DNAH14: variants seen among roughly 807,000 people sequenced by gnomAD.
DNAH14 encodes dynein axonemal heavy chain 14.
In DNAH14, 478 loss-of-function variants were observed where a neutral mutation model predicts 520.9. The ratio of observed to expected loss-of-function variants is 0.92; its 90% CI spans 0.85 to 0.99. DNAH14 has a LOEUF of 0.99. Ranked by LOEUF, DNAH14 falls within the 50% of genes least tolerant of loss-of-function variation. DNAH14 has a pLI of 0.00. For synonymous variants in DNAH14, 1,581 were observed against 1,757.2 expected (o/e 0.90, Z 2.51); for missense variants, 4,831 against 5,234.5 (o/e 0.92, Z 2.38).
intron 12 of DNAH14, among the ~76,000 whole-genome samples, chr1:225,040,562 T>C (rs1039610855): frequency 1.3e-5 from 2 of 152,336 alleles, no homozygotes; most frequent in African/African-American, 4.8e-5. Flanking sequence ...CAATGTCTCC[T>C]ATTCATCCTT....
chr1:225,045,149 A>G lies in DNAH14; in HGVS notation c.1912+1166A>G, dbSNP rs115599516. Among the ~76,000 whole-genome samples, 642 of 152,054 alleles carry G rather than the reference A, an allele frequency of 4.2e-3. 4 individuals are homozygous for G. The highest frequency in any genetic ancestry group is 0.015 in the African/African-American group (612 of 41,534). On this transcript the variant is annotated intron_variant, in intron 15 of 85. Transcript: ENST00000682510. ...AGTCTGAAGAACTAAGTTCTTACCAATCTTTCCATATGTTCCTTTTTTTCC... is the reference window on the plus strand; with the variant it reads ...AGTCTGAAGAACTAAGTTCTTACCAGTCTTTCCATATGTTCCTTTTTTTCC...
chr1:225,272,125 C>T, intron 51 of DNAH14, 52 bp downstream of exon 51: 2 of 1,468,342 alleles, frequency 1.4e-6, no homozygotes, highest in South Asian at 1.3e-5. Context: ...AAGTTGCTCT[C>T]TCTCATACTG....
At chr1:225,073,062 C>G (rs1485887088) in intron 17 of DNAH14, among the ~76,000 whole-genome samples, 1 of 152,016 alleles carries the variant, frequency 6.6e-6, no homozygotes, top group Admixed American at 6.6e-5. Context: ...CACTTCAGCC[C>G]CTTGTTGCCT....
intron 36 of DNAH14, among the ~76,000 whole-genome samples, chr1:225,173,691 A>G (rs1223375487): frequency 6.6e-6 from 1 of 152,228 alleles, no homozygotes; most frequent in Admixed American, 6.5e-5. Flanking sequence ...CCATTGTGGA[A>G]GTCAGTGTGG....
At chr1:225,170,598 G>T (rs908267635) in intron 36 of DNAH14, among the ~76,000 whole-genome samples, 1 of 152,138 alleles carries the variant, frequency 6.6e-6, no homozygotes, top group African/African-American at 2.4e-5. Flanking sequence ...AGCCAATACA[G>T]GAGCACCCAG....
At chr1:225,204,388 T>C in intron 39 of DNAH14, 115 bp downstream of exon 39, 1 of 601,462 alleles carries the variant, frequency 1.7e-6, no homozygotes. Context: ...TTTGTTCCTG[T>C]ACCATTTATT....
chr1:225,377,252 C>T lies in DNAH14; in HGVS notation c.12532C>T (p.Pro4178Ser), dbSNP rs758958876. ...AAATTTTCAGATATGTCTGCCAGTTCCAGGATCTGCAAGCATAAAGGACTA... is the reference window on the plus strand; with the variant it reads ...AAATTTTCAGATATGTCTGCCAGTTTCAGGATCTGCAAGCATAAAGGACTA... The part of the protein sequence containing the change: ...FSSDGICLPV[P>S]GSASIKDYIH... The change falls in exon 79 of 86, where the codon CCA (proline) becomes TCA (serine). Residue 4178 changes from proline to serine, a missense_variant. By Grantham distance (74) the Pro-to-Ser change is moderately conservative (BLOSUM62 -1). Transcript: ENST00000682510. 7.1e-6 allele frequency: 10 copies of T among 1,401,422 alleles called. No homozygotes were observed. In the South Asian group the frequency reaches 1.5e-4, roughly 21 times the overall value. 86.8% of individuals were successfully genotyped at this position (1,401,422 alleles called of 1,614,324 possible).
intron 3 of DNAH14, among the ~76,000 whole-genome samples, chr1:224,957,955 G>T (rs1336762275): frequency 6.6e-6 from 1 of 152,074 alleles, no homozygotes; most frequent in African/African-American, 2.4e-5. Context: ...AAGAAAAAAG[G>T]AGTAGTTAAT....
At chr1:225,334,275 C>CA (rs1203794618) in intron 66 of DNAH14, among the ~76,000 whole-genome samples, 1 of 151,954 alleles carries the variant, frequency 6.6e-6, no homozygotes, top group African/African-American at 2.4e-5. Flanking sequence ...TCTGTCTCTA[C>CA]AAAAAATAAA....
intron 69 of DNAH14, among the ~76,000 whole-genome samples, chr1:225,342,459 A>G (rs1179659274): frequency 6.6e-6 from 1 of 152,156 alleles, no homozygotes; most frequent in Admixed American, 6.5e-5. Flanking sequence ...GTTTAAAATT[A>G]AATATATATT....
chr1:225,276,494 G>A (rs2093471612), intron 53 of DNAH14, among the ~76,000 whole-genome samples: 1 of 152,072 alleles, frequency 6.6e-6, no homozygotes, highest in Non-Finnish European at 1.5e-5. Flanking sequence ...CATTGTTGTG[G>A]GCAAAGATGT....
intron 25 of DNAH14, among the ~76,000 whole-genome samples, chr1:225,118,936 C>G (rs1420823396): frequency 6.8e-6 from 1 of 147,162 alleles, no homozygotes; most frequent in African/African-American, 2.5e-5. Flanking sequence ...GAATCCAAAA[C>G]TGTTTTATAA....
chr1:225,158,206 T>C (rs1573578854), intron 34 of DNAH14, among the ~76,000 whole-genome samples: 1 of 152,310 alleles, frequency 6.6e-6, no homozygotes, highest in Admixed American at 6.5e-5. Flanking sequence ...GTTTAGTATA[T>C]GAAATATTGT....
At chr1:225,239,376 G>A (rs951807475) in intron 42 of DNAH14, among the ~76,000 whole-genome samples, 1 of 152,098 alleles carries the variant, frequency 6.6e-6, no homozygotes, top group African/African-American at 2.4e-5. Context: ...GAAGCAGTGA[G>A]GGAGTGTGCA....
chr1:224,997,994 T>C (rs2063508326), intron 8 of DNAH14, among the ~76,000 whole-genome samples: 1 of 152,196 alleles, frequency 6.6e-6, no homozygotes, highest in African/African-American at 2.4e-5. Flanking sequence ...TGAGATTATC[T>C]GTTTCACATT....
chr1:225,389,939 C>G, intron 83 of DNAH14, 66 bp downstream of exon 83: 2 of 1,429,508 alleles, frequency 1.4e-6, no homozygotes, highest in Non-Finnish European at 1.9e-6. Flanking sequence ...GTCCTTCTGT[C>G]ACTCACCCTT....
At chr1:224,970,387 G>A (rs967134975) in intron 7 of DNAH14, among the ~76,000 whole-genome samples, 3 of 152,040 alleles carry the variant, frequency 2.0e-5, no homozygotes, top group South Asian at 2.1e-4. Context: ...ATTTCGCCCC[G>A]GTCCTGTGGT....
chr1:225,046,807 G>T lies in DNAH14; in HGVS notation c.1912+2824G>T, dbSNP rs543081700. 2.8e-4 allele frequency among the ~76,000 whole-genome samples: 42 copies of T among 152,178 alleles called. 1 individual carries two copies. The South Asian group carries it at 3.9e-3, about 14-fold the overall frequency. ...ATTTTGGTCTTTAGACTATAATACA[G>T]TATTACTGTTATTTATTTTGTTGCT... On this transcript the variant is annotated intron_variant, in intron 15 of 85. Transcript: ENST00000682510.
Position 225,042,948 on chromosome 1 carries a change from A to G in DNAH14, c.1602A>G (p.Lys534=). 1 of 1,551,942 alleles carries G rather than the reference A, an allele frequency of 6.4e-7. No homozygotes were observed. Among genetic ancestry groups the G allele is most frequent in the Non-Finnish European group, 8.7e-7 (1 of 1,147,040 alleles). The change falls in exon 13 of 86, where the codon AAA becomes AAG. Residue 534 remains lysine (K), a synonymous_variant. Coordinates refer to ENST00000682510, the MANE Select transcript of DNAH14 (RefSeq NM_001367479.1). The part of the protein sequence containing the change: ...PAESDSSENS[K]ENFHESDQCP... The stretch of plus-strand genomic sequence containing the variant: ...AGAGTGATTCTTCAGAAAATTCTAA[A>G]GAGAACTTTCATGAGTCTGACCAGT...
Sources: gnomAD v4.1 joint callset for allele counts (sites outside exome capture counted in the v4.1 genomes callset) on GRCh38, gnomAD v4.1.1 for gene constraint, MANE v1.5 for transcripts, NCBI Gene and HGNC (gene_info 2026-07-23, HGNC 2026-07-21) for gene names.